Variants in RARB observed in about 807,000 individuals in gnomAD.
The protein encoded by RARB is retinoic acid receptor beta.
A neutral mutation model predicts 51.9 loss-of-function variants in RARB; 17 were observed. The ratio of observed to expected loss-of-function variants is 0.33; its 90% confidence interval spans 0.22 to 0.49. RARB has a LOEUF of 0.49. RARB is among the 20% of genes least tolerant of loss of function. RARB has a pLI of 0.99. For missense variants in RARB, 369 were observed against 550.8 expected (o/e 0.67, Z 3.30); for synonymous variants, 215 against 195.4 (o/e 1.10, Z -0.84).
chr3:25,400,538 T>C (rs188364414), intron 5 of RARB, among the ~76,000 whole-genome samples: 9 of 152,262 alleles, frequency 5.9e-5, no homozygotes, highest in African/African-American at 2.2e-4. Flanking sequence ...TCATCAAAGA[T>C]TTATTGGGAG....
intron 2 of RARB, among the ~76,000 whole-genome samples, chr3:25,494,282 C>CACACACACACACACACACACACACA (rs1696911548): frequency 6.6e-6 from 1 of 151,766 alleles, no homozygotes; most frequent in African/African-American, 2.4e-5. Context: ...CACACACATG[C>CACACACACACACACACACACACACA]CATCATTTAC....
intron 2 of RARB, among the ~76,000 whole-genome samples, chr3:24,936,048 G>C (rs1695541640): frequency 6.6e-6 from 1 of 152,150 alleles, no homozygotes; most frequent in African/African-American, 2.4e-5. Flanking sequence ...TGTAGTTGCT[G>C]AGGATCCAAA....
chr3:25,184,941 C>T lies in RARB; in HGVS notation c.178+10366C>T, dbSNP rs145235772. On this transcript the variant is annotated intron_variant, in intron 5 of 11. Coordinates refer to the RARB transcript ENST00000383772. ...TAAAAACTTAGTAAATAATAGCATT[C>T]ATTATTATTATCCATGCTTTGCGGC... 2.4e-3 allele frequency among the ~76,000 whole-genome samples: 366 copies of T among 152,156 alleles called. 3 individuals are homozygous for T. Among genetic ancestry groups the T allele is most frequent in the African/African-American group, 8.1e-3 (336 of 41,524 alleles).
At chr3:25,407,427 C>G (rs1223539446) in intron 5 of RARB, among the ~76,000 whole-genome samples, 3 of 152,168 alleles carry the variant, frequency 2.0e-5, no homozygotes, top group African/African-American at 7.2e-5. Context: ...GGACACTTCA[C>G]ATTTACAAGA....
chr3:25,255,493 G>A (rs1431946954), intron 5 of RARB, among the ~76,000 whole-genome samples: 4 of 152,102 alleles, frequency 2.6e-5, no homozygotes, highest in Non-Finnish European at 5.9e-5. Flanking sequence ...ATTGAGCTTC[G>A]AGTTTGAAGC....
chr3:24,875,303 T>C (rs1447158521), intron 2 of RARB, among the ~76,000 whole-genome samples: 1 of 152,200 alleles, frequency 6.6e-6, no homozygotes, highest in Non-Finnish European at 1.5e-5. Flanking sequence ...CTTCAGTAAC[T>C]TGTAAGCCTG....
chr3:25,387,192 A>C (rs1706819759), intron 5 of RARB, among the ~76,000 whole-genome samples: 1 of 152,190 alleles, frequency 6.6e-6, no homozygotes, highest in Admixed American at 6.5e-5. Flanking sequence ...CAGCAGGAGA[A>C]AACAGTGGCT....
intron 5 of RARB, among the ~76,000 whole-genome samples, chr3:25,405,963 G>GGC (rs1707396074): frequency 2.4e-5 from 1 of 41,192 alleles, no homozygotes; most frequent in South Asian, 1.7e-3. Context: ...ACACATGTTT[G>GGC]GTCATTAGTA....
chr3:25,119,566 A>C (rs957081013), intron 3 of RARB, among the ~76,000 whole-genome samples: 1 of 151,926 alleles, frequency 6.6e-6, no homozygotes, highest in Admixed American at 6.6e-5. Context: ...TTTCAAATGC[A>C]GGGTGCAGCA....
chr3:25,367,952 C>T (rs1351785), intron 5 of RARB, among the ~76,000 whole-genome samples: 58,298 of 151,776 alleles, frequency 0.38, 11,720 homozygotes, highest in East Asian at 0.75. Flanking sequence ...TGCACTGGGG[C>T]GGACAGGCAA....
chr3:25,217,254 T>C (rs1456229723), intron 5 of RARB, among the ~76,000 whole-genome samples: 1 of 152,192 alleles, frequency 6.6e-6, no homozygotes, highest in Non-Finnish European at 1.5e-5. Context: ...ATTTTACCAG[T>C]GTTCAAAATA....
chr3:25,350,193 G>A (rs1575332583), intron 5 of RARB, among the ~76,000 whole-genome samples: 1 of 152,130 alleles, frequency 6.6e-6, no homozygotes, highest in East Asian at 1.9e-4. Flanking sequence ...CCAAACTCAA[G>A]GAGACAGTAG....
chr3:24,973,442 C>A (rs1057486617), intron 2 of RARB, among the ~76,000 whole-genome samples: 1 of 151,912 alleles, frequency 6.6e-6, no homozygotes, highest in African/African-American at 2.4e-5. Context: ...ATTGCTTTGA[C>A]TATTTGAGGT....
intron 5 of RARB, among the ~76,000 whole-genome samples, chr3:25,246,388 A>G (rs1183277819): frequency 1.3e-5 from 2 of 152,056 alleles, no homozygotes; most frequent in Non-Finnish European, 2.9e-5. Context: ...GATCCTTTGG[A>G]GGAGAAGAGG....
intron 2 of RARB, among the ~76,000 whole-genome samples, chr3:25,041,976 A>G (rs981052841): frequency 1.3e-5 from 2 of 152,176 alleles, no homozygotes; most frequent in Admixed American, 1.3e-4. Context: ...CGCTGTCCCC[A>G]GGGCAGGGTG....
At chr3:25,140,775 C>CT (rs1333709127) in intron 4 of RARB, among the ~76,000 whole-genome samples, 2 of 152,024 alleles carry the variant, frequency 1.3e-5, no homozygotes, top group East Asian at 3.9e-4. Context: ...TCATTATTAT[C>CT]TTTTTTTAAG....
intron 5 of RARB, among the ~76,000 whole-genome samples, chr3:25,370,867 G>T (rs1403733084): frequency 1.3e-5 from 2 of 152,216 alleles, no homozygotes; most frequent in Non-Finnish European, 2.9e-5. Context: ...ACTCACTCCA[G>T]AGTCTCTAGG....
intron 2 of RARB, among the ~76,000 whole-genome samples, chr3:25,030,856 C>T (rs905262487): frequency 1.3e-5 from 2 of 152,194 alleles, no homozygotes; most frequent in African/African-American, 4.8e-5. Context: ...GTCCTCAGCT[C>T]ATTTTAGATA....
chr3:25,380,390 C>T (rs530615792), intron 5 of RARB, among the ~76,000 whole-genome samples: 1 of 152,302 alleles, frequency 6.6e-6, no homozygotes, highest in African/African-American at 2.4e-5. Flanking sequence ...GACCCCAACT[C>T]GATCCCAGGG....
Sources: gnomAD v4.1 joint callset for allele counts (sites outside exome capture counted in the v4.1 genomes callset) on GRCh38, gnomAD v4.1.1 for gene constraint, MANE v1.5 for transcripts, NCBI Gene and HGNC (gene_info 2026-07-23, HGNC 2026-07-21) for gene names.